Variants in LCLAT1 observed in about 807,000 individuals in gnomAD.
LCLAT1 encodes lysocardiolipin acyltransferase 1.
A neutral mutation model predicts 30.7 loss-of-function variants in LCLAT1; 11 were observed. The observed-to-expected ratio is 0.36, with a 90% CI of 0.23 to 0.59. The LOEUF is 0.59. Among genes scored for constraint, LCLAT1 ranks in the 20% least tolerant of loss-of-function variants. The pLI is 0.77. For synonymous variants in LCLAT1, 155 were observed against 151.3 expected, an observed-to-expected ratio of 1.02 and a Z score of -0.18; for missense variants, 402 against 458.6, an observed-to-expected ratio of 0.88 and a Z score of 1.13.
At chr2:30,500,873 T>C (rs1449899815) in intron 1 of LCLAT1, among the ~76,000 whole-genome samples, 1 of 152,178 alleles carries the variant, frequency 6.6e-6, no homozygotes, top group Non-Finnish European at 1.5e-5. Flanking sequence ...ACTGTTGTCT[T>C]ATCTGAGTTC....
chr2:30,502,692 G>A (rs1684457425), intron 1 of LCLAT1, among the ~76,000 whole-genome samples: 1 of 145,476 alleles, frequency 6.9e-6, no homozygotes, highest in Non-Finnish European at 1.5e-5. Flanking sequence ...GTTGTAGCAT[G>A]TGTCAGTACC....
intron 4 of LCLAT1, among the ~76,000 whole-genome samples, chr2:30,564,616 A>G (rs899151303): frequency 4.7e-5 from 7 of 148,598 alleles, no homozygotes; most frequent in Non-Finnish European, 7.4e-5. Context: ...TGAAGTTTTA[A>G]ACATTTTTTT....
intron 5 of LCLAT1, among the ~76,000 whole-genome samples, chr2:30,583,765 A>C (rs1666305572): frequency 6.6e-6 from 1 of 152,158 alleles, no homozygotes; most frequent in Non-Finnish European, 1.5e-5. Context: ...TGGATTTTTC[A>C]GGCTTCTAAT....
chr2:30,489,030 T>G (rs1289641087), intron 1 of LCLAT1: 1 of 152,238 alleles, frequency 6.6e-6, no homozygotes, highest in Non-Finnish European at 1.5e-5. Context: ...ATTGTACTGA[T>G]AGGTTCATAT....
intron 1 of LCLAT1, among the ~76,000 whole-genome samples, chr2:30,508,225 G>A (rs769527293): frequency 1.2e-4 from 18 of 151,926 alleles, no homozygotes; most frequent in Non-Finnish European, 2.5e-4. Flanking sequence ...TTCCCTTTCC[G>A]TTAGTTGTCT....
intron 3 of LCLAT1, among the ~76,000 whole-genome samples, chr2:30,549,112 G>T (rs1386919966): frequency 6.6e-6 from 1 of 152,218 alleles, no homozygotes; most frequent in Non-Finnish European, 1.5e-5. Context: ...TGAAGCTTTT[G>T]TTTTGAATGT....
chr2:30,537,399 AAGAT>A (rs995114846), intron 3 of LCLAT1, among the ~76,000 whole-genome samples: 3 of 152,154 alleles, frequency 2.0e-5, no homozygotes, highest in East Asian at 1.9e-4. Context: ...AAAAAAAAAA[AAGAT>A]AGACTTCAAG....
intron 5 of LCLAT1, among the ~76,000 whole-genome samples, chr2:30,618,608 C>T (rs1668100906): frequency 6.6e-6 from 1 of 152,064 alleles, no homozygotes; most frequent in Admixed American, 6.6e-5. Context: ...CTATTGGGTA[C>T]TGGACTTAAT....
At chr2:30,517,480 C>G (rs1685237103) in intron 1 of LCLAT1, among the ~76,000 whole-genome samples, 1 of 152,220 alleles carries the variant, frequency 6.6e-6, no homozygotes, top group Non-Finnish European at 1.5e-5. Context: ...AGCTTACCCC[C>G]ACCTGCAATG....
intron 5 of LCLAT1, among the ~76,000 whole-genome samples, chr2:30,635,888 T>G (rs1364087654): frequency 1.3e-5 from 2 of 152,236 alleles, no homozygotes; most frequent in Non-Finnish European, 2.9e-5. Flanking sequence ...ATTGGTCAAC[T>G]ACTCATTTCT....
chr2:30,494,411 A>G (rs1006355051), intron 1 of LCLAT1, among the ~76,000 whole-genome samples: 3 of 152,130 alleles, frequency 2.0e-5, no homozygotes, highest in Admixed American at 2.0e-4. Flanking sequence ...ATAGCTGGAA[A>G]TCCCTGTGTT....
chr2:30,583,181 G>T (rs562433155), intron 5 of LCLAT1, among the ~76,000 whole-genome samples: 10 of 152,336 alleles, frequency 6.6e-5, no homozygotes, highest in African/African-American at 2.4e-4. Flanking sequence ...ATGGCTTACT[G>T]TTAAAATAAA....
intron 1 of LCLAT1, among the ~76,000 whole-genome samples, chr2:30,467,829 C>A (rs886454498): frequency 9.9e-5 from 15 of 152,146 alleles, no homozygotes; most frequent in Admixed American, 2.0e-4. Flanking sequence ...TTTGTAGATT[C>A]TGGGTATTAG....
Position 30,626,203 on chromosome 2 carries a change from G to T in LCLAT1, c.629-13914G>T, listed in dbSNP as rs372326096. 2.6e-5 allele frequency among the ~76,000 whole-genome samples: 4 copies of T among 152,286 alleles called. No individual in the cohort carries two copies. In the South Asian group the frequency reaches 8.3e-4, roughly 32 times the overall value. On this transcript the variant is annotated intron_variant, in intron 5 of 5. Transcript: ENST00000379509. Reference sequence around the variant, plus strand: ...TATTTCAAAGACCAGCAAATTAGTAGATTATGCACATGCTCATGCCTCTTT... The same window carrying T: ...TATTTCAAAGACCAGCAAATTAGTATATTATGCACATGCTCATGCCTCTTT...
At chr2:30,604,152 G>A (rs1353642077) in intron 5 of LCLAT1, among the ~76,000 whole-genome samples, 1 of 152,156 alleles carries the variant, frequency 6.6e-6, no homozygotes, top group East Asian at 1.9e-4. Flanking sequence ...GAGAGCAGAT[G>A]TAATGAGTGT....
At chr2:30,473,681 G>A (rs1400207443) in intron 1 of LCLAT1, among the ~76,000 whole-genome samples, 1 of 152,168 alleles carries the variant, frequency 6.6e-6, no homozygotes, top group Non-Finnish European at 1.5e-5. Context: ...GAAACAAATT[G>A]TGCTATTGGA....
At chr2:30,494,551 C>G (rs1441634477) in intron 1 of LCLAT1, among the ~76,000 whole-genome samples, 1 of 73,378 alleles carries the variant, frequency 1.4e-5, no homozygotes, top group Non-Finnish European at 3.0e-5. Context: ...TGCATACACA[C>G]ACGCATACGT....
At chr2:30,466,244 C>A (rs976017960) in intron 1 of LCLAT1, among the ~76,000 whole-genome samples, 1 of 145,586 alleles carries the variant, frequency 6.9e-6, no homozygotes, top group African/African-American at 2.5e-5. Context: ...CTTTTCTTTT[C>A]TTTTCTTTCT....
At chr2:30,555,515 G>A (rs1664873612) in intron 3 of LCLAT1, among the ~76,000 whole-genome samples, 1 of 152,128 alleles carries the variant, frequency 6.6e-6, no homozygotes, top group Non-Finnish European at 1.5e-5. Flanking sequence ...CAGTAAAATA[G>A]TATTTTTTGC....
Sources: gnomAD v4.1 joint callset for allele counts (sites outside exome capture counted in the v4.1 genomes callset) on GRCh38, gnomAD v4.1.1 for gene constraint, MANE v1.5 for transcripts, NCBI Gene and HGNC (gene_info 2026-07-23, HGNC 2026-07-21) for gene names.